The following PIGF variants were observed in gnomAD, a reference collection of about 807,000 sequenced individuals.
The protein encoded by PIGF is phosphatidylinositol glycan anchor biosynthesis class F, also known as GPI ethanolamine phosphate transferase, stabilizing subunit.
In PIGF, 23 loss-of-function variants were observed where a neutral mutation model predicts 26.0. The observed-to-expected ratio is 0.88, with a 90% CI of 0.64 to 1.25. PIGF has a LOEUF of 1.25. Among genes scored for constraint, PIGF ranks in the 50% most tolerant of loss-of-function variants. The probability of loss-of-function intolerance (pLI) is 0.00; values close to 1 mark genes in which losing one functional copy is unlikely to be tolerated. For missense variants in PIGF, 278 were observed against 249.9 expected, an observed-to-expected ratio of 1.11 and a Z score of -0.76; for synonymous variants, 93 against 92.6, an observed-to-expected ratio of 1.00 and a Z score of -0.03.
At chr2:46,616,747 A>G (rs1670647283) in intron 1 of PIGF, 1 of 163,930 alleles carries the variant, frequency 6.1e-6, no homozygotes, top group African/African-American at 2.4e-5. Flanking sequence ...GAGAGGCAGG[A>G]TCAAAGAGCA....
chr2:46,602,288 AG>A (rs1670084418), intron 4 of PIGF, among the ~76,000 whole-genome samples: 1 of 151,962 alleles, frequency 6.6e-6, no homozygotes, highest in Non-Finnish European at 1.5e-5. Flanking sequence ...CAATAGTATC[AG>A]AATTGATCCT....
chr2:46,596,157 T>A (rs1326324020), intron 4 of PIGF, among the ~76,000 whole-genome samples: 1 of 147,626 alleles, frequency 6.8e-6, no homozygotes, highest in African/African-American at 2.5e-5. Flanking sequence ...GAGGTTGTCG[T>A]GAGCCGAGAC....
Position 46,607,071 on chromosome 2 carries a change from A to G in PIGF, c.437+5157T>C, listed in dbSNP as rs146571925. 8.9e-4 allele frequency among the ~76,000 whole-genome samples: 136 copies of G among 152,364 alleles called. 3 individuals are homozygous for G. In the East Asian group the frequency reaches 0.013, roughly 15 times the overall value. On this transcript the variant is annotated intron_variant, in intron 4 of 5. Coordinates refer to ENST00000281382, the MANE Select transcript of PIGF (RefSeq NM_002643.4). The stretch of plus-strand genomic sequence containing the variant: ...AGGCAAATCTATAGAGACAGTAAGT[A>G]GATTGGTGGTTGCAAAAAGTCATTG...
intron 5 of PIGF, chr2:46,591,531 C>T (rs1669722352): frequency 3.3e-6 from 3 of 900,930 alleles, no homozygotes; most frequent in Admixed American, 6.2e-5. Flanking sequence ...GGAGTAATTA[C>T]TCTGTGAACC....
At chr2:46,596,074 C>T (rs919246823) in intron 4 of PIGF, among the ~76,000 whole-genome samples, 6 of 151,814 alleles carry the variant, frequency 4.0e-5, no homozygotes, top group African/African-American at 1.2e-4. Context: ...ATTAGCTGGG[C>T]GCAGCGTCAG....
intron 5 of PIGF, among the ~76,000 whole-genome samples, chr2:46,590,371 A>G (rs1669689898): frequency 6.6e-6 from 1 of 152,154 alleles, no homozygotes; most frequent in South Asian, 2.1e-4. Flanking sequence ...ATTAAGATAT[A>G]TATTTTCTAA....
At chr2:46,596,448 C>A (rs1669888310) in intron 4 of PIGF, among the ~76,000 whole-genome samples, 1 of 151,840 alleles carries the variant, frequency 6.6e-6, no homozygotes, top group African/African-American at 2.4e-5. Context: ...GGAACTGAGA[C>A]CTATTTTTAA....
chr2:46,608,566 A>C (rs1670296542), intron 4 of PIGF, among the ~76,000 whole-genome samples: 1 of 152,362 alleles, frequency 6.6e-6, no homozygotes, highest in Non-Finnish European at 1.5e-5. Context: ...AATCCATCAG[A>C]GGAATCACTA....
chr2:46,595,989 C>T (rs536209335), intron 4 of PIGF, among the ~76,000 whole-genome samples: 3 of 151,942 alleles, frequency 2.0e-5, no homozygotes, highest in Admixed American at 1.3e-4. Flanking sequence ...CAGAGGCGGG[C>T]GGATCACAAG....
At chr2:46,596,058 C>T (rs1354707192) in intron 4 of PIGF, among the ~76,000 whole-genome samples, 1 of 151,790 alleles carries the variant, frequency 6.6e-6, no homozygotes, top group East Asian at 1.9e-4. Flanking sequence ...ACTAAAAATA[C>T]AAAAAATTAG....
At chr2:46,599,413 C>T (rs1669988950) in intron 4 of PIGF, among the ~76,000 whole-genome samples, 1 of 152,084 alleles carries the variant, frequency 6.6e-6, no homozygotes, top group African/African-American at 2.4e-5. Flanking sequence ...ATTTTAGAGG[C>T]ACTAACTAGT....
At chr2:46,606,425 T>C (rs1168605656) in intron 4 of PIGF, among the ~76,000 whole-genome samples, 1 of 152,096 alleles carries the variant, frequency 6.6e-6, no homozygotes, top group Non-Finnish European at 1.5e-5. Context: ...TGTTTTGGGG[T>C]TTTTTTCTGT....
In PIGF at chr2:46,588,086, G is replaced by A. The variant is rs1422858794; in HGVS notation, c.546+4389C>T. 1 of 1,591,008 alleles carries A rather than the reference G, an allele frequency of 6.3e-7. No individual in the cohort carries two copies. The highest frequency in any genetic ancestry group is 1.4e-5 in the African/African-American group (1 of 73,998). On this transcript the variant is annotated intron_variant, in intron 5 of 5. Transcript: ENST00000281382. This position sits in a 1 kb window ranked among gnomAD's most constrained non-coding sequence, Gnocchi z 4.1. Reference sequence around the variant, plus strand: ...GGAGTAAAACCTACCTTGCACTACGGTTGTCAGGATTAAGTTACTCATTTC... The same window carrying A: ...GGAGTAAAACCTACCTTGCACTACGATTGTCAGGATTAAGTTACTCATTTC...
chr2:46,583,005 C>G (rs557136288), intron 5 of PIGF: 2 of 152,102 alleles, frequency 1.3e-5, no homozygotes, highest in Non-Finnish European at 2.9e-5. Context: ...TTTTGGTCTG[C>G]TTATTTTTAG....
intron 2 of PIGF, 22 bp downstream of exon 2, chr2:46,614,915 G>T: frequency 1.8e-6 from 2 of 1,112,350 alleles, no homozygotes; most frequent in Non-Finnish European, 2.7e-6. Context: ...CCAAAAATCA[G>T]TTATTGAGAC....
intron 2 of PIGF, 116 bp downstream of exon 2, chr2:46,614,821 C>A: frequency 1.7e-6 from 1 of 597,308 alleles, no homozygotes; most frequent in Non-Finnish European, 3.0e-6. Flanking sequence ...GGAAAAATAT[C>A]AGGTTCCCTT....
chr2:46,610,169 C>CA (rs2104133166), intron 4 of PIGF, among the ~76,000 whole-genome samples: 1 of 152,288 alleles, frequency 6.6e-6, no homozygotes, highest in African/African-American at 2.4e-5. Context: ...GACCTAACCC[C>CA]ATCTTTCCCA....
chr2:46,587,994 C>A, intron 5 of PIGF: 1 of 1,207,606 alleles, frequency 8.3e-7, no homozygotes, highest in Non-Finnish European at 1.1e-6. Context: ...CTCTTCCCAC[C>A]TGAGTAATGC....
At chr2:46,591,421 T>C (rs927432973) in intron 5 of PIGF, 1 of 468,902 alleles carries the variant, frequency 2.1e-6, no homozygotes, top group Non-Finnish European at 2.8e-6. Flanking sequence ...ATTGCTTTAA[T>C]TTTCTAAATA....
Sources: gnomAD v4.1 joint callset for allele counts (sites outside exome capture counted in the v4.1 genomes callset) on GRCh38, gnomAD v4.1.1 for gene constraint, Gnocchi (gnomAD v3.1) non-coding constraint, MANE v1.5 for transcripts, NCBI Gene and HGNC (gene_info 2026-07-23, HGNC 2026-07-21) for gene names.